The following BRWD3 variants were observed in gnomAD, a reference collection of about 807,000 sequenced individuals.
BRWD3 encodes the protein bromodomain and WD repeat domain containing 3.
BRWD3 carries 10 observed loss-of-function variants against 149.7 expected under a neutral mutation model. That is an observed-to-expected ratio of 0.07 (90% CI 0.04 to 0.11). The LOEUF (loss-of-function observed/expected upper bound fraction) is 0.11, where lower values mean the gene tolerates loss of function less well. Among genes scored for constraint, BRWD3 ranks in the 10% least tolerant of loss-of-function variants. BRWD3 has a pLI of 1.00. For missense variants in BRWD3, 940 were observed against 1,373.2 expected (o/e 0.68, Z 4.99); for synonymous variants, 504 against 456.7 (o/e 1.10, Z -1.32).
intron 20 of BRWD3, among the ~76,000 whole-genome samples, chrX:80,713,451 G>A (rs183166562): frequency 0.033 from 3,716 of 110,989 alleles, 77 homozygotes; most frequent in South Asian, 0.15. Context: ...TGGATTAAGG[G>A]CGGTGCAAGA....
At chrX:80,726,377 T>G (rs1461867446) in intron 14 of BRWD3, among the ~76,000 whole-genome samples, 1 of 53,401 alleles carries the variant, frequency 1.9e-5, no homozygotes, top group Non-Finnish European at 3.1e-5. Flanking sequence ...ACATGTTATA[T>G]CTGTATAACA....
chrX:80,797,968 G>A (rs867570986), intron 4 of BRWD3, among the ~76,000 whole-genome samples: 1 of 110,202 alleles, frequency 9.1e-6, no homozygotes, highest in Non-Finnish European at 1.9e-5. Context: ...GGTTGTAAGC[G>A]CCTGTAGTCC....
intron 14 of BRWD3, among the ~76,000 whole-genome samples, chrX:80,725,416 T>A (rs2073202864): frequency 8.9e-6 from 1 of 112,137 alleles, no homozygotes; most frequent in South Asian, 3.7e-4. Flanking sequence ...CACCCAATTC[T>A]GACACAGTGA....
chrX:80,703,617 T>C, intron 23 of BRWD3, 24 bp from the exon 24 acceptor site: 1 of 1,068,491 alleles, frequency 9.4e-7, no homozygotes, highest in Non-Finnish European at 1.3e-6. Context: ...ACACGAAAAG[T>C]ATATGTATAA....
intron 28 of BRWD3, 47 bp downstream of exon 28, chrX:80,692,893 A>G: frequency 9.8e-7 from 1 of 1,019,048 alleles, no homozygotes. Context: ...AAGTCCACAT[A>G]CTACTACAAT....
At chrX:80,740,687 T>C (rs970746465) in intron 8 of BRWD3, among the ~76,000 whole-genome samples, 18 of 110,545 alleles carry the variant, frequency 1.6e-4, no homozygotes, top group South Asian at 1.5e-3. Context: ...AGGTGGAGGC[T>C]GCAGTGAGCC....
chrX:80,723,701 G>A (rs1362979752), intron 16 of BRWD3, 47 bp downstream of exon 16: 15 of 1,192,379 alleles, frequency 1.3e-5, no homozygotes, highest in African/African-American at 1.8e-5. Context: ...ATTTGTGAAT[G>A]ACACAATCCT....
chrX:80,796,225 G>T (rs1261268761), intron 4 of BRWD3, among the ~76,000 whole-genome samples: 2 of 109,372 alleles, frequency 1.8e-5, no homozygotes, highest in African/African-American at 6.7e-5. Flanking sequence ...CCGCCTCCTG[G>T]GTTCAAGTGA....
intron 6 of BRWD3, among the ~76,000 whole-genome samples, chrX:80,770,348 C>A (rs1035037975): frequency 1.8e-5 from 2 of 111,597 alleles, no homozygotes. Context: ...AGTGAAAATC[C>A]TCAATAAAAT....
intron 8 of BRWD3, among the ~76,000 whole-genome samples, chrX:80,740,653 G>A (rs1386295295): frequency 8.9e-6 from 1 of 111,937 alleles, no homozygotes; most frequent in Non-Finnish European, 1.9e-5. Flanking sequence ...GGAGGTGGAG[G>A]TGGGAAGATC....
chrX:80,752,167 C>A (rs1301738627), intron 6 of BRWD3, among the ~76,000 whole-genome samples: 3 of 109,318 alleles, frequency 2.7e-5, no homozygotes, highest in Non-Finnish European at 1.9e-5. Context: ...TGTGTGCCAC[C>A]ATGCCCAGCT....
chrX:80,712,907 G>A (rs1244364697), intron 20 of BRWD3, among the ~76,000 whole-genome samples: 1 of 94,246 alleles, frequency 1.1e-5, no homozygotes, highest in Non-Finnish European at 2.3e-5. Context: ...GAGCCCCTCC[G>A]CCCGGCAGCC....
chrX:80,680,153 T>C (rs2072425010), intron 40 of BRWD3, among the ~76,000 whole-genome samples: 2 of 112,222 alleles, frequency 1.8e-5, no homozygotes, highest in Non-Finnish European at 3.8e-5. Flanking sequence ...CTAATAAAAT[T>C]ATTTGTAAAA....
At chrX:80,720,031 G>A (rs879112130) in intron 17 of BRWD3, among the ~76,000 whole-genome samples, 5 of 111,799 alleles carry the variant, frequency 4.5e-5, no homozygotes, top group Admixed American at 2.9e-4. Flanking sequence ...CAGTACTCAC[G>A]TTTGTGGTGT....
intron 40 of BRWD3, among the ~76,000 whole-genome samples, chrX:80,678,946 T>C (rs1465008239): frequency 9.0e-6 from 1 of 111,501 alleles, no homozygotes; most frequent in Non-Finnish European, 1.9e-5. Flanking sequence ...TCAACAGGAC[T>C]GATGTTCTTA....
At chrX:80,683,779 TTAC>T (rs2072486863) in intron 37 of BRWD3, among the ~76,000 whole-genome samples, 1 of 111,390 alleles carries the variant, frequency 9.0e-6, no homozygotes, top group Non-Finnish European at 1.9e-5. Context: ...TGTACTTAAA[TTAC>T]TACCTCTCCT....
At chrX:80,765,614 T>A (rs1385974814) in intron 6 of BRWD3, among the ~76,000 whole-genome samples, 2 of 112,114 alleles carry the variant, frequency 1.8e-5, no homozygotes, top group Non-Finnish European at 3.8e-5. Flanking sequence ...TATTTTGTAA[T>A]GAGGTGTCTG....
intron 6 of BRWD3, among the ~76,000 whole-genome samples, chrX:80,755,742 A>G (rs749677290): frequency 8.9e-6 from 1 of 112,175 alleles, no homozygotes; most frequent in East Asian, 2.8e-4. Context: ...GTCCAGTATC[A>G]AGGGAATGGT....
chrX:80,780,640 C>A (rs975584500), intron 6 of BRWD3, among the ~76,000 whole-genome samples: 1 of 111,609 alleles, frequency 9.0e-6, no homozygotes, highest in African/African-American at 3.3e-5. Context: ...GCAGGTGTGA[C>A]AAGAATCTCT....
Sources: gnomAD v4.1 joint callset for allele counts (sites outside exome capture counted in the v4.1 genomes callset) on GRCh38, gnomAD v4.1.1 for gene constraint, MANE v1.5 for transcripts, NCBI Gene and HGNC (gene_info 2026-07-23, HGNC 2026-07-21) for gene names.